MROH2B: variants seen among roughly 807,000 people sequenced by gnomAD.
The protein encoded by MROH2B is maestro heat-like repeat-containing protein family member 2B.
In MROH2B, 177 loss-of-function variants were observed where a neutral mutation model predicts 208.6. The ratio of observed to expected loss-of-function variants is 0.85; its 90% CI spans 0.75 to 0.96. MROH2B has a LOEUF of 0.96. MROH2B is among the 40% of genes least tolerant of loss of function. The probability of loss-of-function intolerance (pLI) is 0.00; values close to 1 mark genes in which losing one functional copy is unlikely to be tolerated. For synonymous variants in MROH2B, 728 were observed against 659.0 expected (o/e 1.10, Z -1.60); for missense variants, 2,002 against 1,878.7 (o/e 1.07, Z -1.21).
At position 41,000,316 on chromosome 5, in the gene MROH2B, A is replaced by AT; in HGVS notation, c.4385_4386insA (p.Phe1462LeufsTer16). 6.2e-7 allele frequency: 1 copy of AT among 1,613,864 alleles called. No homozygotes were observed. On this transcript the variant is annotated frameshift_variant, in exon 39 of 42. Transcript: ENST00000399564. LOFTEE classifies it high-confidence loss of function. The stretch of plus-strand genomic sequence containing the variant: ...CCCCATAGAGCTCCTGGAGGCCCAA[A>AT]AAGGGAATGCAGACCATCAAGACAT...
chr5:41,034,150 T>A, intron 21 of MROH2B: 1 of 807,554 alleles, frequency 1.2e-6, no homozygotes, highest in Non-Finnish European at 1.5e-6. Context: ...ACAATCATTT[T>A]AAAGAGGCTC....
intron 5 of MROH2B, among the ~76,000 whole-genome samples, chr5:41,063,236 A>G (rs1244786467): frequency 6.6e-6 from 1 of 152,218 alleles, no homozygotes; most frequent in Non-Finnish European, 1.5e-5. Context: ...TATTTGCAGG[A>G]ACACAGTGTT....
At position 41,057,258 on chromosome 5, in the gene MROH2B, G is replaced by A. The variant is rs1170067255; in HGVS notation, c.849+10C>T. On this transcript the variant is annotated intron_variant, in intron 8 of 41. Coordinates refer to ENST00000399564, the MANE Select transcript of MROH2B (RefSeq NM_173489.5). ...ATTAAAAATTGGAGTTGACAGCATG[G>A]TCTTCTTACCTGCTGGAGTAAATTG... The A allele has an allele frequency of 6.2e-7, 1 of 1,605,876 alleles. No homozygotes were observed. Among genetic ancestry groups the A allele is most frequent in the Non-Finnish European group, 8.5e-7 (1 of 1,175,620 alleles).
At chr5:41,045,897 T>C in intron 17 of MROH2B, 44 bp from the exon 18 acceptor site, 1 of 1,379,776 alleles carries the variant, frequency 7.2e-7, no homozygotes, top group Non-Finnish European at 1.0e-6. Flanking sequence ...GACCGTTTCA[T>C]GTGCTTTCTT....
rs374950894 is a variant in MROH2B at position 40,998,673 on chromosome 5, G to A, written c.4590C>T (p.Ala1530=). 4.0e-5 allele frequency: 63 copies of A among 1,580,286 alleles called. No individual in the cohort carries two copies. The highest frequency in any genetic ancestry group is 9.1e-5 in the East Asian group (4 of 43,796). The change falls in exon 41 of 42, where the codon GCC becomes GCT. Residue 1530 remains alanine, a synonymous_variant. Transcript: ENST00000399564. ...ATTGGCTGGTCAAATTGAGAACAAC[G>A]GCATCTAAAGTTAATAGGAGACCAT... ...IRSAAVKLTD[A]VVLNLTSQYV...
chr5:41,061,577 G>A lies in MROH2B; in HGVS notation c.608C>T (p.Pro203Leu). 6.2e-7 allele frequency: 1 copy of A among 1,611,676 alleles called. No individual in the cohort carries two copies. The highest frequency in any genetic ancestry group is 8.5e-7 in the Non-Finnish European group (1 of 1,178,688). The change falls in exon 6 of 42, where the codon CCC (proline) becomes CTC (leucine). Residue 203 changes from proline (P) to leucine (L), a missense_variant. Physicochemically the swap from Pro to Leu is moderately conservative, Grantham distance 98 (BLOSUM62 -3). Coordinates refer to ENST00000399564, the MANE Select transcript of MROH2B (RefSeq NM_173489.5). Reference sequence around the variant, plus strand: ...ATCCTGAGGCCCACTCACCTGCATGGGTGAGGCCAAAGGGGCCCACTTCTC... The same window carrying A: ...ATCCTGAGGCCCACTCACCTGCATGAGTGAGGCCAAAGGGGCCCACTTCTC... ...IMEKWAPLAS[P>L]MQTLSIVKAH... is the part of the protein sequence containing the mutation.
chr5:41,061,835 G>A, intron 5 of MROH2B, 111 bp from the exon 6 acceptor site: 2 of 1,213,608 alleles, frequency 1.6e-6, no homozygotes, highest in Admixed American at 2.8e-5. Flanking sequence ...ATGGTTTTTA[G>A]ATGATCTTAC....
rs533210712 is a variant in MROH2B, at chr5:41,019,259, C to T, written c.2442-241G>A. ...CTTTAGATTAGATTGATGAACAAAT[C>T]ATCACTCACTTTGTGTTCCTTAACA... On this transcript the variant is annotated intron_variant, in intron 24 of 41. Transcript: ENST00000399564. Among the ~76,000 whole-genome samples, 52 of 152,266 alleles carry T rather than the reference C, an allele frequency of 3.4e-4. 1 individual carries two copies. Among genetic ancestry groups the T allele is most frequent in the Admixed American group, 3.1e-3 (48 of 15,294 alleles).
intron 5 of MROH2B, 117 bp downstream of exon 5, chr5:41,064,355 C>A (rs1175561056): frequency 2.6e-6 from 2 of 763,308 alleles, no homozygotes; most frequent in East Asian, 5.5e-5. Context: ...TAAGTGGCAG[C>A]TATTATTATT....
intron 13 of MROH2B, 81 bp from the exon 14 acceptor site, chr5:41,049,517 T>C: frequency 6.8e-7 from 1 of 1,479,232 alleles, no homozygotes; most frequent in Non-Finnish European, 9.0e-7. Flanking sequence ...TGTTTTTCTC[T>C]GATTTAGAAG....
intron 24 of MROH2B, among the ~76,000 whole-genome samples, chr5:41,019,427 A>T (rs1742072270): frequency 6.6e-6 from 1 of 152,154 alleles, no homozygotes; most frequent in African/African-American, 2.4e-5. Context: ...TGCAGCAGTG[A>T]CTTTTATCAA....
intron 11 of MROH2B, among the ~76,000 whole-genome samples, chr5:41,054,543 G>A (rs1445054329): frequency 2.0e-5 from 3 of 152,058 alleles, no homozygotes; most frequent in East Asian, 3.9e-4. Context: ...TTTTAAATAA[G>A]CAAAAATCTT....
chr5:41,019,083 T>A, intron 24 of MROH2B, 65 bp from the exon 25 acceptor site: 1 of 1,589,146 alleles, frequency 6.3e-7, no homozygotes, highest in Non-Finnish European at 8.6e-7. Context: ...CCAGTGGAAT[T>A]CCCAAGAACT....
chr5:41,018,205 C>T, intron 27 of MROH2B, 136 bp downstream of exon 27: 1 of 1,020,608 alleles, frequency 9.8e-7, no homozygotes, highest in South Asian at 1.7e-5. Context: ...AGTTAGATCT[C>T]TCTCCAAAAG....
chr5:41,029,407 C>T (rs1742488718), intron 24 of MROH2B, among the ~76,000 whole-genome samples: 2 of 152,020 alleles, frequency 1.3e-5, no homozygotes, highest in Non-Finnish European at 2.9e-5. Context: ...AACATTTTTT[C>T]CCAATCCATA....
At chr5:41,035,721 C>T (rs953397498) in intron 21 of MROH2B, among the ~76,000 whole-genome samples, 1 of 152,090 alleles carries the variant, frequency 6.6e-6, no homozygotes, top group Admixed American at 6.6e-5. Flanking sequence ...AAAAAATGCT[C>T]ATCATCACTA....
rs1266374441 is a variant in MROH2B at position 41,012,659 on chromosome 5, T to C, written c.3059A>G (p.Asn1020Ser). 1 of 1,613,906 alleles carries C rather than the reference T, an allele frequency of 6.2e-7. No individual in the cohort carries two copies. The highest frequency in any genetic ancestry group is 8.5e-7 in the Non-Finnish European group (1 of 1,179,808). ...EEMLDGLESL[N>S]PTCTKACGIW... The stretch of plus-strand genomic sequence containing the variant: ...GCCACAGGCCTTTGTACAAGTGGGG[T>C]TGAGGCTCTCCAGACCGTCCAGCAT... Residue 1020 changes from asparagine to serine, a missense_variant, in exon 30 of 42, where the codon AAC becomes AGC. Physicochemically the swap from Asn to Ser is conservative, Grantham distance 46. Coordinates refer to ENST00000399564, the MANE Select transcript of MROH2B (RefSeq NM_173489.5).
intron 11 of MROH2B, among the ~76,000 whole-genome samples, chr5:41,053,774 A>C (rs1336096023): frequency 6.6e-6 from 1 of 152,108 alleles, no homozygotes; most frequent in Non-Finnish European, 1.5e-5. Flanking sequence ...GTTTTTTTGT[A>C]TAATCACTCT....
intron 31 of MROH2B, among the ~76,000 whole-genome samples, chr5:41,009,711 A>T (rs983532623): frequency 6.6e-6 from 1 of 152,190 alleles, no homozygotes; most frequent in African/African-American, 2.4e-5. Flanking sequence ...TATTGTTAAA[A>T]ATATTATTAT....
Sources: gnomAD v4.1 joint callset for allele counts (sites outside exome capture counted in the v4.1 genomes callset) on GRCh38, gnomAD v4.1.1 for gene constraint, MANE v1.5 for transcripts, NCBI Gene and HGNC (gene_info 2026-07-23, HGNC 2026-07-21) for gene names.